CALN1: variants seen among roughly 807,000 people sequenced by gnomAD.
The protein encoded by CALN1 is calcium-binding protein 8.
In CALN1, 17 loss-of-function variants were observed where a neutral mutation model predicts 30.6. That is an observed-to-expected ratio of 0.56 (90% CI 0.38 to 0.83). CALN1 has a LOEUF of 0.83. CALN1 is among the 40% of genes least tolerant of loss of function. CALN1 has a pLI of 0.00. For missense variants in CALN1, 291 were observed against 354.9 expected, an observed-to-expected ratio of 0.82 and a Z score of 1.45; for synonymous variants, 156 against 131.4, an observed-to-expected ratio of 1.19 and a Z score of -1.28.
At chr7:71,829,481 T>A (rs1305037745) in intron 5 of CALN1, among the ~76,000 whole-genome samples, 3 of 152,222 alleles carry the variant, frequency 2.0e-5, no homozygotes, top group Non-Finnish European at 1.5e-5. Flanking sequence ...TAATTTGTTA[T>A]AAGAGCAACA....
chr7:72,012,282 C>T (rs1250132983), intron 5 of CALN1, among the ~76,000 whole-genome samples: 1 of 152,150 alleles, frequency 6.6e-6, no homozygotes, highest in African/African-American at 2.4e-5. Context: ...CTTTGGGAGG[C>T]CGAGGCAGGC....
chr7:72,151,637 G>C (rs576964958), intron 3 of CALN1, among the ~76,000 whole-genome samples: 1 of 152,176 alleles, frequency 6.6e-6, no homozygotes, highest in South Asian at 2.1e-4. Flanking sequence ...CTCAGCCAGG[G>C]AACGTTCTGA....
intron 5 of CALN1, among the ~76,000 whole-genome samples, chr7:71,870,926 CAT>C (rs976569758): frequency 6.6e-6 from 1 of 152,150 alleles, no homozygotes; most frequent in Non-Finnish European, 1.5e-5. Flanking sequence ...GGAGTCCCAC[CAT>C]ACACTTCCTA....
At chr7:72,210,860 G>T (rs1049231016) in intron 3 of CALN1, among the ~76,000 whole-genome samples, 1 of 151,688 alleles carries the variant, frequency 6.6e-6, no homozygotes, top group African/African-American at 2.4e-5. Flanking sequence ...AGACCAGCCT[G>T]GGAAAGATGA....
At chr7:72,045,996 C>CAAAAAA (rs34011098) in intron 4 of CALN1, among the ~76,000 whole-genome samples, 12 of 90,728 alleles carry the variant, frequency 1.3e-4, no homozygotes, top group African/African-American at 4.9e-4. Context: ...GACTCCCTCT[C>CAAAAAA]AAAAAAAAAA....
chr7:72,121,923 T>A (rs921441076), intron 3 of CALN1, among the ~76,000 whole-genome samples: 1 of 148,086 alleles, frequency 6.8e-6, no homozygotes, highest in Non-Finnish European at 1.5e-5. Context: ...ATATATTATA[T>A]TACATGTAAT....
intron 3 of CALN1, among the ~76,000 whole-genome samples, chr7:72,187,289 A>T (rs1790275686): frequency 6.6e-6 from 1 of 152,170 alleles, no homozygotes; most frequent in Non-Finnish European, 1.5e-5. Context: ...AGTGGTAGAA[A>T]ACTACTAAGA....
intron 6 of CALN1, among the ~76,000 whole-genome samples, chr7:71,798,859 C>T (rs533438399): frequency 3.3e-4 from 50 of 151,412 alleles, no homozygotes; most frequent in African/African-American, 1.0e-3. Flanking sequence ...CTCCTGACCT[C>T]GTGATCCACC....
chr7:72,298,454 C>G (rs1799017845), intron 2 of CALN1, among the ~76,000 whole-genome samples: 4 of 152,156 alleles, frequency 2.6e-5, no homozygotes, highest in Admixed American at 2.6e-4. Context: ...CCTCAGTGCT[C>G]TAACTCATAG....
chr7:72,268,793 C>CCA (rs3032247), intron 3 of CALN1, among the ~76,000 whole-genome samples: 5,050 of 145,814 alleles, frequency 0.035, 159 homozygotes, highest in African/African-American at 0.083. Context: ...CAAGACCCTG[C>CCA]CACACACACA....
intron 3 of CALN1, among the ~76,000 whole-genome samples, chr7:72,189,380 T>G (rs192877148): frequency 5.5e-4 from 84 of 152,310 alleles, no homozygotes; most frequent in African/African-American, 1.8e-3. Context: ...CAACAAAACA[T>G]TTGGTCTCTG....
At chr7:71,983,694 G>A (rs1798519722) in intron 5 of CALN1, among the ~76,000 whole-genome samples, 1 of 152,068 alleles carries the variant, frequency 6.6e-6, no homozygotes, top group Non-Finnish European at 1.5e-5. Context: ...ACCATGCCTG[G>A]CTAATTTTTG....
At chr7:72,003,372 A>G (rs1799619716) in intron 5 of CALN1, among the ~76,000 whole-genome samples, 1 of 152,186 alleles carries the variant, frequency 6.6e-6, no homozygotes, top group Admixed American at 6.5e-5. Flanking sequence ...TCATGGATGA[A>G]AACAGGTGTC....
At chr7:72,318,502 G>A (rs943224591) in intron 2 of CALN1, among the ~76,000 whole-genome samples, 8 of 152,118 alleles carry the variant, frequency 5.3e-5, no homozygotes, top group African/African-American at 1.9e-4. Flanking sequence ...AGGATCAAAT[G>A]TACAGCTAGC....
intron 3 of CALN1, among the ~76,000 whole-genome samples, chr7:72,126,381 T>A (rs573460780): frequency 2.6e-5 from 4 of 152,336 alleles, no homozygotes; most frequent in African/African-American, 9.6e-5. Flanking sequence ...TTCTTCCAGT[T>A]CCTGACTCCA....
intron 2 of CALN1, among the ~76,000 whole-genome samples, chr7:72,319,250 G>T (rs1292609220): frequency 2.0e-5 from 3 of 152,144 alleles, no homozygotes; most frequent in Non-Finnish European, 4.4e-5. Context: ...ATTTACAAAA[G>T]AAAGAGGTTC....
intron 3 of CALN1, among the ~76,000 whole-genome samples, chr7:72,134,570 T>TA (rs987805393): frequency 6.6e-6 from 1 of 152,240 alleles, no homozygotes; most frequent in Non-Finnish European, 1.5e-5. Context: ...ATTATATCTT[T>TA]AAAAATGTAC....
chr7:71,975,103 G>A (rs1798038934), intron 5 of CALN1, among the ~76,000 whole-genome samples: 1 of 152,128 alleles, frequency 6.6e-6, no homozygotes, highest in African/African-American at 2.4e-5. Context: ...TCAGCAAGAA[G>A]GGTGCTGTGC....
chr7:72,412,324 ACCCCAGCGAGCTT>A lies in CALN1; in HGVS notation c.-353_-341del, dbSNP rs1161378234. 4.0e-5 allele frequency: 6 copies of A among 151,866 alleles called. No individual in the cohort carries two copies. Among genetic ancestry groups the A allele is most frequent in the Admixed American group, 6.6e-5 (1 of 15,246 alleles). 9.4% of individuals were successfully genotyped at this position (151,866 alleles called of 1,614,324 possible). ...AAAAACACAAACTCAAGCGGATAGC[ACCCCAGCGAGCTT>A]CCCCAGCGGGCTCGGGGAGCCAGCT... On this transcript the variant is annotated 5_prime_UTR_variant, in exon 1 of 7. Transcript: ENST00000395275.
Sources: gnomAD v4.1 joint callset for allele counts (sites outside exome capture counted in the v4.1 genomes callset) on GRCh38, gnomAD v4.1.1 for gene constraint, MANE v1.5 for transcripts, NCBI Gene and HGNC (gene_info 2026-07-23, HGNC 2026-07-21) for gene names.